The following FOXP1 variants were observed in gnomAD, a reference collection of about 807,000 sequenced individuals.
FOXP1 encodes the protein forkhead box P1, also known as forkhead box protein P1.
FOXP1 carries 15 observed loss-of-function variants against 98.2 expected under a neutral mutation model. That is an observed-to-expected ratio of 0.15 (90% CI 0.10 to 0.24). The LOEUF is 0.24. Among genes scored for constraint, FOXP1 ranks in the 10% least tolerant of loss-of-function variants. The pLI is 1.00. For synonymous variants in FOXP1, 371 were observed against 314.5 expected, an observed-to-expected ratio of 1.18 and a Z score of -1.90; for missense variants, 633 against 848.5, an observed-to-expected ratio of 0.75 and a Z score of 3.15.
At chr3:71,132,755 T>C (rs2059633882) in intron 6 of FOXP1, among the ~76,000 whole-genome samples, 1 of 152,214 alleles carries the variant, frequency 6.6e-6, no homozygotes, top group Admixed American at 6.5e-5. Context: ...TTAAAAGCTG[T>C]AATCAGTTTA....
chr3:71,177,404 A>C lies in FOXP1; in HGVS notation c.180+20798T>G, dbSNP rs1486484948. 7.9e-5 allele frequency among the ~76,000 whole-genome samples: 12 copies of C among 152,232 alleles called. No homozygotes were observed. In the East Asian group the frequency reaches 2.3e-3, roughly 29 times the overall value. ...GAACTCAGCAAGAAAAGTTGGGTTG[A>C]AGTGGAATGATTCTGAATGACAAAA... On this transcript the variant is annotated intron_variant, in intron 6 of 20. Transcript: ENST00000649528.
At chr3:71,326,744 A>AAT (rs1321359481) in intron 4 of FOXP1, among the ~76,000 whole-genome samples, 1 of 152,148 alleles carries the variant, frequency 6.6e-6, no homozygotes, top group African/African-American at 2.4e-5. Context: ...CAAACTCCTA[A>AAT]ATCCCACCAG....
chr3:71,198,397 T>G lies in FOXP1; in HGVS notation c.-11-5A>C. The G allele has an allele frequency of 1.5e-6, 1 of 673,968 alleles. No homozygotes were observed. The highest frequency in any genetic ancestry group is 2.4e-6 in the Non-Finnish European group (1 of 417,106). The allele number at this position is 673,968 out of a possible 1,614,324, so 41.7% of individuals were successfully genotyped here. On this transcript the variant is annotated splice_polypyrimidine_tract_variant and splice_region_variant and intron_variant, in intron 5 of 20. Transcript: ENST00000649528. Reference sequence around the variant, plus strand: ...CTTGCATCATGACTCAAAAACCTGATACAAGGATTTCCAAGATGGGGGGAG... The same window carrying G: ...CTTGCATCATGACTCAAAAACCTGAGACAAGGATTTCCAAGATGGGGGGAG...
intron 6 of FOXP1, among the ~76,000 whole-genome samples, chr3:71,184,511 T>C (rs900807681): frequency 1.2e-4 from 19 of 152,196 alleles, no homozygotes; most frequent in African/African-American, 4.6e-4. Flanking sequence ...GATTGCTTTA[T>C]ATGACCTTAC....
At position 71,015,613 on chromosome 3, in the gene FOXP1, C is replaced by T; in HGVS notation, c.910G>A (p.Gly304Arg). 1 of 1,613,162 alleles carries T rather than the reference C, an allele frequency of 6.2e-7. No individual in the cohort carries two copies. Among genetic ancestry groups the T allele is most frequent in the Non-Finnish European group, 8.5e-7 (1 of 1,179,320 alleles). The change falls in exon 12 of 21, where the codon GGA (glycine) becomes AGA (arginine). Residue 304 changes from glycine (G) to arginine (R), a missense_variant. Coordinates refer to ENST00000649528, the MANE Select transcript of FOXP1 (RefSeq NM_001349338.3). ...CCTGGCCACTTGCATACACCATGTC[C>T]ATAGAGAGGATGGCTATGGGGGTGC... ...EEHPHSHPLY[G>R]HGVCKWPGCE...
At chr3:71,344,657 C>T (rs539092548) in intron 4 of FOXP1, among the ~76,000 whole-genome samples, 7 of 151,852 alleles carry the variant, frequency 4.6e-5, no homozygotes, top group South Asian at 2.1e-4. Flanking sequence ...ACCAACATGG[C>T]GAAACCCCCT....
intron 2 of FOXP1, among the ~76,000 whole-genome samples, chr3:71,501,488 T>C (rs1358355106): frequency 2.6e-5 from 4 of 151,618 alleles, no homozygotes; most frequent in Admixed American, 2.6e-4. Flanking sequence ...AGAAAGAGGG[T>C]TTCACCATGT....
intron 7 of FOXP1, among the ~76,000 whole-genome samples, chr3:71,062,758 G>T (rs1282784744): frequency 6.6e-6 from 1 of 152,146 alleles, no homozygotes; most frequent in African/African-American, 2.4e-5. Context: ...AGGAAACAAA[G>T]TTCTTAAGGC....
intron 5 of FOXP1, among the ~76,000 whole-genome samples, chr3:71,239,129 G>T (rs2067041401): frequency 6.6e-6 from 1 of 152,152 alleles, no homozygotes; most frequent in Non-Finnish European, 1.5e-5. Flanking sequence ...ATATGTGATT[G>T]CATTTGAGCT....
At chr3:71,433,054 G>T (rs938009746) in intron 3 of FOXP1, among the ~76,000 whole-genome samples, 1 of 151,932 alleles carries the variant, frequency 6.6e-6, no homozygotes, top group African/African-American at 2.4e-5. Context: ...ATAGTGACTT[G>T]AGTAACTCAT....
intron 4 of FOXP1, among the ~76,000 whole-genome samples, chr3:71,325,053 AT>A (rs71120312): frequency 0.029 from 3,878 of 135,988 alleles, 176 homozygotes; most frequent in African/African-American, 0.098. Context: ...TAATCCCTTG[AT>A]TTTTTTTTTT....
chr3:71,198,598 C>G (rs1316817130), intron 5 of FOXP1, among the ~76,000 whole-genome samples: 1 of 152,200 alleles, frequency 6.6e-6, no homozygotes, highest in Non-Finnish European at 1.5e-5. Context: ...ATTCCCAATT[C>G]AAGTTTCAGT....
chr3:71,109,630 A>G (rs1157242595), intron 7 of FOXP1, among the ~76,000 whole-genome samples: 2 of 152,226 alleles, frequency 1.3e-5, no homozygotes, highest in Non-Finnish European at 2.9e-5. Context: ...CGCCTCAGCA[A>G]GGATGCAGTA....
intron 6 of FOXP1, among the ~76,000 whole-genome samples, chr3:71,158,333 CA>C (rs2060953221): frequency 1.3e-5 from 2 of 151,990 alleles, no homozygotes; most frequent in African/African-American, 4.8e-5. Flanking sequence ...TTAGAAGACA[CA>C]AGTAGATGAT....
chr3:71,515,259 G>A (rs1490928599), intron 2 of FOXP1, among the ~76,000 whole-genome samples: 8 of 151,798 alleles, frequency 5.3e-5, no homozygotes, highest in South Asian at 2.1e-4. Flanking sequence ...TTCACACAAC[G>A]CGGTATGGAA....
Position 71,510,477 on chromosome 3 carries a change from T to TA in FOXP1, c.-297-16923dup, listed in dbSNP as rs970128945. Among the ~76,000 whole-genome samples, 235 of 145,554 alleles carry TA rather than the reference T, an allele frequency of 1.6e-3. 2 individuals are homozygous for TA. Among genetic ancestry groups the TA allele is most frequent in the East Asian group, 4.2e-3 (21 of 5,044 alleles). ...GGGCAACAGAGTGAGACTCTGTCTC[T>TA]AAAAAAAAAAAATCAGTTGATCTTG... On this transcript the variant is annotated intron_variant, in intron 2 of 20. Coordinates refer to ENST00000649528, the MANE Select transcript of FOXP1 (RefSeq NM_001349338.3).
chr3:71,194,275 AAAG>A lies in FOXP1; in HGVS notation c.180+3924_180+3926del, dbSNP rs1284161311. Among the ~76,000 whole-genome samples the A allele has an allele frequency of 3.3e-5, 5 of 151,752 alleles. No individual in the cohort carries two copies. In the East Asian group the frequency reaches 5.8e-4, roughly 18 times the overall value. On this transcript the variant is annotated intron_variant, in intron 6 of 20. Coordinates refer to ENST00000649528, the MANE Select transcript of FOXP1 (RefSeq NM_001349338.3). ...CCAGGTGGTACCAAAAAAAAAAAAA[AAAG>A]AAAGAAAGAAACCCCACAAAAACCT...
chr3:71,063,944 GA>G (rs1559851333), intron 7 of FOXP1, among the ~76,000 whole-genome samples: 1 of 152,108 alleles, frequency 6.6e-6, no homozygotes, highest in Non-Finnish European at 1.5e-5. Context: ...TTGGGGAGGA[GA>G]GGGGTAAAAA....
chr3:71,122,332 A>G (rs1479652480), intron 6 of FOXP1, among the ~76,000 whole-genome samples: 1 of 152,224 alleles, frequency 6.6e-6, no homozygotes, highest in African/African-American at 2.4e-5. Flanking sequence ...GATAGAAGAC[A>G]AAAGAAAGAA....
Sources: gnomAD v4.1 joint callset for allele counts (sites outside exome capture counted in the v4.1 genomes callset) on GRCh38, gnomAD v4.1.1 for gene constraint, MANE v1.5 for transcripts, NCBI Gene and HGNC (gene_info 2026-07-23, HGNC 2026-07-21) for gene names.